HM13: variants seen among roughly 807,000 people sequenced by gnomAD.
The protein encoded by HM13 is signal peptide peptidase.
A neutral mutation model predicts 50.0 loss-of-function variants in HM13; 18 were observed. The observed-to-expected ratio is 0.36, with a 90% CI of 0.25 to 0.53. The LOEUF is 0.53. Among genes scored for constraint, HM13 ranks in the 20% least tolerant of loss-of-function variants. The pLI is 0.90. For missense variants in HM13, 393 were observed against 552.4 expected, an observed-to-expected ratio of 0.71 and a Z score of 2.89; for synonymous variants, 197 against 232.6, an observed-to-expected ratio of 0.85 and a Z score of 1.39.
chr20:31,543,508 C>T (rs1600645133), intron 3 of HM13, among the ~76,000 whole-genome samples: 1 of 151,728 alleles, frequency 6.6e-6, no homozygotes, highest in Non-Finnish European at 1.5e-5. Context: ...AGGCTGGTCT[C>T]GAACTCCTGA....
At chr20:31,551,003 T>A (rs556692849) in intron 7 of HM13, among the ~76,000 whole-genome samples, 1 of 152,302 alleles carries the variant, frequency 6.6e-6, no homozygotes, top group South Asian at 2.1e-4. Flanking sequence ...TATAAATATA[T>A]ATGTGTGTGT....
chr20:31,521,526 CAG>C (rs1212117487), intron 1 of HM13, among the ~76,000 whole-genome samples: 3 of 152,036 alleles, frequency 2.0e-5, no homozygotes, highest in African/African-American at 7.2e-5. Flanking sequence ...GATCTTGTGA[CAG>C]ACCATCCTGA....
chr20:31,549,387 C>A, intron 6 of HM13, 55 bp downstream of exon 6: 1 of 1,608,432 alleles, frequency 6.2e-7, no homozygotes, highest in Non-Finnish European at 8.5e-7. Context: ...CTCATCTCAT[C>A]ACCCTGCCTC....
chr20:31,568,309 T>C (rs1250049019), intron 12 of HM13, 85 bp downstream of exon 12: 17 of 1,532,642 alleles, frequency 1.1e-5, no homozygotes, highest in Non-Finnish European at 1.4e-5. Context: ...CTCCAGTGCA[T>C]AGGGCAGGGA....
chr20:31,520,077 AAACTC>A (rs1982058950), intron 1 of HM13, among the ~76,000 whole-genome samples: 1 of 150,374 alleles, frequency 6.7e-6, no homozygotes, highest in Non-Finnish European at 1.5e-5. Flanking sequence ...GGCTGGTCTC[AAACTC>A]CTGACCTCAG....
chr20:31,555,276 C>G (rs1568796333), intron 8 of HM13, among the ~76,000 whole-genome samples: 1 of 152,252 alleles, frequency 6.6e-6, no homozygotes, highest in Non-Finnish European at 1.5e-5. Flanking sequence ...GCTCCTCCTC[C>G]CTGTGCCAAG....
intron 3 of HM13, among the ~76,000 whole-genome samples, chr20:31,543,491 G>A (rs1983557476): frequency 6.6e-6 from 1 of 151,852 alleles, no homozygotes; most frequent in Admixed American, 6.6e-5. Flanking sequence ...GTTTTGCCAT[G>A]TTGGCCAGGC....
chr20:31,548,087 TATTG>T (rs1455775980), intron 4 of HM13: 2 of 1,298,492 alleles, frequency 1.5e-6, no homozygotes, highest in Admixed American at 3.4e-5. Flanking sequence ...TAAATGTGGA[TATTG>T]ATTGTGTCGT....
intron 1 of HM13, among the ~76,000 whole-genome samples, chr20:31,518,864 T>G (rs558287708): frequency 2.0e-4 from 30 of 151,042 alleles, no homozygotes; most frequent in South Asian, 1.5e-3. Context: ...TACATATATA[T>G]ATAGAGAGAG....
chr20:31,549,081 C>G lies in HM13; in HGVS notation c.507C>G (p.Ser169Arg). 6.2e-7 allele frequency: 1 copy of G among 1,614,102 alleles called. No individual in the cohort carries two copies. The highest frequency in any genetic ancestry group is 8.5e-7 in the Non-Finnish European group (1 of 1,179,988). Residue 169 changes from serine to arginine, a missense_variant, in exon 5 of 13, where the codon AGC becomes AGG. Ser to Arg is a moderately radical substitution (Grantham distance 110, BLOSUM62 -1). Transcript: ENST00000398174. ...DTKDLVCLGLSSIVGVWYLLR... is the reference protein window; with the variant it reads ...DTKDLVCLGLRSIVGVWYLLR... ...AGGACCTGGTGTGCCTGGGCCTGAG[C>G]AGCATCGTTGGCGTCTGGTACCTGC...
chr20:31,527,622 G>T (rs781093489), intron 2 of HM13, 40 bp downstream of exon 2: 33 of 1,339,062 alleles, frequency 2.5e-5, no homozygotes, highest in Non-Finnish European at 3.5e-5. Flanking sequence ...TGATCTAAAT[G>T]ACTTTATCTT....
intron 11 of HM13, among the ~76,000 whole-genome samples, chr20:31,566,779 A>G (rs1241947183): frequency 1.3e-5 from 2 of 151,718 alleles, no homozygotes; most frequent in Admixed American, 1.3e-4. Flanking sequence ...CCCACAGCTC[A>G]CTGCTTTCTC....
intron 12 of HM13, among the ~76,000 whole-genome samples, chr20:31,568,646 A>C (rs1365018084): frequency 6.6e-5 from 10 of 152,264 alleles, no homozygotes; most frequent in East Asian, 1.9e-4. Flanking sequence ...CCCATAGAAG[A>C]AGCTAAGCCA....
intron 7 of HM13, among the ~76,000 whole-genome samples, chr20:31,553,714 G>A (rs1324046492): frequency 2.0e-5 from 3 of 152,002 alleles, no homozygotes; most frequent in Non-Finnish European, 4.4e-5. Context: ...AGAGGGAGGC[G>A]TTTCTCCCTA....
chr20:31,521,255 G>A (rs991916485), intron 1 of HM13, among the ~76,000 whole-genome samples: 5 of 152,116 alleles, frequency 3.3e-5, no homozygotes, highest in African/African-American at 9.7e-5. Flanking sequence ...CTTTCCAACC[G>A]AAATTTCCAG....
intron 1 of HM13, among the ~76,000 whole-genome samples, chr20:31,527,230 C>T (rs919687991): frequency 1.3e-5 from 2 of 152,014 alleles, no homozygotes; most frequent in Admixed American, 6.6e-5. Context: ...CCCAGCTACT[C>T]GGGAGGCTGA....
intron 2 of HM13, among the ~76,000 whole-genome samples, chr20:31,530,379 A>G (rs1982741580): frequency 6.6e-6 from 1 of 151,360 alleles, no homozygotes; most frequent in South Asian, 2.1e-4. Flanking sequence ...AGGTATTTTT[A>G]TATCAACACA....
chr20:31,559,354 C>CA (rs1984484009), intron 8 of HM13, among the ~76,000 whole-genome samples: 1 of 152,174 alleles, frequency 6.6e-6, no homozygotes, highest in African/African-American at 2.4e-5. Context: ...TTTGGGCAGA[C>CA]ACGGTGTGAC....
At chr20:31,544,861 T>C in intron 3 of HM13, 86 bp from the exon 4 acceptor site, 1 of 1,011,678 alleles carries the variant, frequency 9.9e-7, no homozygotes, top group Non-Finnish European at 1.6e-6. Context: ...GCTGTAAGGG[T>C]GCCAGCTGTA....
Sources: gnomAD v4.1 joint callset for allele counts (sites outside exome capture counted in the v4.1 genomes callset) on GRCh38, gnomAD v4.1.1 for gene constraint, MANE v1.5 for transcripts, NCBI Gene and HGNC (gene_info 2026-07-23, HGNC 2026-07-21) for gene names.